GBE1: variants seen among roughly 807,000 people sequenced by gnomAD.
The protein encoded by GBE1 is 1,4-alpha-glucan branching enzyme 1, also known as 1,4-alpha-glucan-branching enzyme.
A neutral mutation model predicts 88.8 loss-of-function variants in GBE1; 70 were observed. The observed-to-expected ratio is 0.79, with a 90% CI of 0.65 to 0.96. GBE1 has a LOEUF of 0.96. Among genes scored for constraint, GBE1 ranks in the 40% least tolerant of loss-of-function variants. GBE1 has a pLI of 0.00. For synonymous variants in GBE1, 284 were observed against 300.1 expected, an observed-to-expected ratio of 0.95 and a Z score of 0.56; for missense variants, 872 against 871.0, an observed-to-expected ratio of 1.00 and a Z score of -0.01.
intron 14 of GBE1, among the ~76,000 whole-genome samples, chr3:81,502,693 G>T (rs1003598022): frequency 1.3e-5 from 2 of 152,086 alleles, no homozygotes; most frequent in African/African-American, 4.8e-5. Context: ...CAACTGATTT[G>T]TTTGTTTTAC....
chr3:81,701,223 T>A (rs533976803), intron 2 of GBE1, among the ~76,000 whole-genome samples: 4 of 152,252 alleles, frequency 2.6e-5, no homozygotes, highest in Non-Finnish European at 4.4e-5. Context: ...AATGTCAATA[T>A]ATATACACCA....
chr3:81,714,665 A>C (rs1046120472), intron 1 of GBE1, among the ~76,000 whole-genome samples: 1 of 152,210 alleles, frequency 6.6e-6, no homozygotes, highest in African/African-American at 2.4e-5. Context: ...GCAAGCAGCT[A>C]TCTGAAGAGG....
intron 7 of GBE1, among the ~76,000 whole-genome samples, chr3:81,638,584 G>C (rs1704625083): frequency 1.3e-5 from 2 of 152,110 alleles, no homozygotes; most frequent in Non-Finnish European, 1.5e-5. Flanking sequence ...ACACTTGTCA[G>C]AAAGTTCTCT....
intron 14 of GBE1, among the ~76,000 whole-genome samples, chr3:81,520,551 T>C (rs990621259): frequency 6.6e-6 from 1 of 151,466 alleles, no homozygotes. Context: ...ATGTTCTAGG[T>C]GAAGAAATGC....
chr3:81,725,993 A>C (rs932775209), intron 1 of GBE1, among the ~76,000 whole-genome samples: 1 of 152,188 alleles, frequency 6.6e-6, no homozygotes, highest in Non-Finnish European at 1.5e-5. Flanking sequence ...AGTGATGCCC[A>C]AAAATGCTCA....
At chr3:81,642,173 T>C (rs1317695203) in intron 7 of GBE1, among the ~76,000 whole-genome samples, 1 of 151,908 alleles carries the variant, frequency 6.6e-6, no homozygotes, top group Non-Finnish European at 1.5e-5. Flanking sequence ...TAACAAATGG[T>C]TTCAACACTA....
chr3:81,613,074 G>A (rs557409881), intron 7 of GBE1: 2 of 684,050 alleles, frequency 2.9e-6, no homozygotes, highest in South Asian at 3.3e-5. Flanking sequence ...AGGAGAAGAT[G>A]ACTAATAGAA....
At chr3:81,736,133 C>T (rs1379456434) in intron 1 of GBE1, among the ~76,000 whole-genome samples, 4 of 152,128 alleles carry the variant, frequency 2.6e-5, no homozygotes, top group African/African-American at 9.6e-5. Context: ...CTGAGAGATA[C>T]CATACAGGTC....
At chr3:81,577,043 A>T (rs1213496631) in intron 12 of GBE1, among the ~76,000 whole-genome samples, 1 of 152,020 alleles carries the variant, frequency 6.6e-6, no homozygotes, top group Admixed American at 6.6e-5. Context: ...GGGCTCAAAC[A>T]GTCCCTCTGC....
chr3:81,640,707 A>G (rs1466014059), intron 7 of GBE1, among the ~76,000 whole-genome samples: 1 of 151,990 alleles, frequency 6.6e-6, no homozygotes, highest in Admixed American at 6.6e-5. Flanking sequence ...GAAAATACTA[A>G]TTCTATAAAA....
intron 14 of GBE1, 37 bp from the exon 15 acceptor site, chr3:81,499,264 T>G (rs772148199): frequency 1.7e-6 from 2 of 1,191,776 alleles, no homozygotes; most frequent in Non-Finnish European, 2.5e-6. Context: ...GTTGAGGAGT[T>G]GAATGAGACA....
intron 5 of GBE1, among the ~76,000 whole-genome samples, chr3:81,647,444 T>C (rs973300521): frequency 6.6e-6 from 1 of 152,196 alleles, no homozygotes; most frequent in Non-Finnish European, 1.5e-5. Context: ...AAAGTAGATA[T>C]TGTGTTTTAA....
chr3:81,750,645 GTA>G (rs557781058), intron 1 of GBE1, among the ~76,000 whole-genome samples: 14,893 of 47,508 alleles, frequency 0.31, 3,039 homozygotes, highest in Admixed American at 0.4. Context: ...ATATATATAT[GTA>G]TATATATATA....
chr3:81,494,307 C>G (rs1200154138), intron 15 of GBE1, among the ~76,000 whole-genome samples: 3 of 152,216 alleles, frequency 2.0e-5, no homozygotes, highest in East Asian at 1.9e-4. Context: ...ATAATCAGAG[C>G]TAACCCTTAT....
intron 1 of GBE1, among the ~76,000 whole-genome samples, chr3:81,750,655 A>ATACACGTATATATATATATATG: frequency 1.8e-5 from 1 of 54,670 alleles, no homozygotes; most frequent in African/African-American, 1.4e-4. Flanking sequence ...GTATATATAT[A>ATACACGTATATATATATATATG]TATGTATATA....
At chr3:81,716,322 G>A (rs1705936601) in intron 1 of GBE1, among the ~76,000 whole-genome samples, 1 of 152,044 alleles carries the variant, frequency 6.6e-6, no homozygotes, top group South Asian at 2.1e-4. Context: ...GGAAGTATGA[G>A]GTAAATTCAA....
At chr3:81,629,856 T>A (rs1704480357) in intron 7 of GBE1, among the ~76,000 whole-genome samples, 1 of 147,360 alleles carries the variant, frequency 6.8e-6, no homozygotes, top group Non-Finnish European at 1.5e-5. Context: ...CCTAATGCTA[T>A]CCCTCCCGCC....
At chr3:81,594,140 C>A in intron 7 of GBE1, 117 bp from the exon 8 acceptor site, 1 of 516,828 alleles carries the variant, frequency 1.9e-6, no homozygotes, top group South Asian at 3.3e-5. Context: ...TCATAATGTT[C>A]AAGAAACATA....
chr3:81,760,959 C>T (rs1706672057), intron 1 of GBE1, among the ~76,000 whole-genome samples: 1 of 152,222 alleles, frequency 6.6e-6, no homozygotes, highest in Non-Finnish European at 1.5e-5. Flanking sequence ...GTTTTAAATG[C>T]GTAATTACAC....
Sources: allele counts gnomAD v4.1 joint callset (sites outside exome capture counted in the v4.1 genomes callset), GRCh38; gene constraint gnomAD v4.1.1; transcripts MANE v1.5; gene names NCBI Gene and HGNC (gene_info 2026-07-23, HGNC 2026-07-21).